The following RALGAPA2 variants were observed in gnomAD, a reference collection of about 807,000 sequenced individuals.
The protein encoded by RALGAPA2 is ral GTPase-activating protein subunit alpha-2.
RALGAPA2 carries 139 observed loss-of-function variants against 230.4 expected under a neutral mutation model. That is an observed-to-expected ratio of 0.60 (90% CI 0.53 to 0.69). The LOEUF (loss-of-function observed/expected upper bound fraction) is 0.69, where lower values mean the gene tolerates loss of function less well. Among genes scored for constraint, RALGAPA2 ranks in the 30% least tolerant of loss-of-function variants. The probability of loss-of-function intolerance (pLI) is 0.00; values close to 1 mark genes in which losing one functional copy is unlikely to be tolerated. For synonymous variants in RALGAPA2, 847 were observed against 837.8 expected (o/e 1.01, Z -0.19); for missense variants, 2,163 against 2,276.0 (o/e 0.95, Z 1.01).
intron 16 of RALGAPA2, among the ~76,000 whole-genome samples, chr20:20,596,832 G>A (rs1431223574): frequency 6.6e-6 from 1 of 152,170 alleles, no homozygotes; most frequent in Non-Finnish European, 1.5e-5. Flanking sequence ...TCTTTGTTTG[G>A]GAGCTGTCCT....
intron 36 of RALGAPA2, among the ~76,000 whole-genome samples, chr20:20,491,739 T>C (rs980757243): frequency 7.9e-5 from 12 of 152,102 alleles, no homozygotes; most frequent in African/African-American, 2.9e-4. Context: ...ATTTCTTTTC[T>C]GTGACCAAAG....
intron 1 of RALGAPA2, among the ~76,000 whole-genome samples, chr20:20,694,391 T>A (rs1183107936): frequency 2.6e-5 from 4 of 152,192 alleles, no homozygotes; most frequent in Admixed American, 2.6e-4. Flanking sequence ...ATTAACTCAG[T>A]AAAGACTGAA....
At chr20:20,483,507 A>C (rs1217148774) in intron 36 of RALGAPA2, among the ~76,000 whole-genome samples, 1 of 152,126 alleles carries the variant, frequency 6.6e-6, no homozygotes, top group Non-Finnish European at 1.5e-5. Context: ...CAGCTGCTCC[A>C]CAGGTAAAAT....
At chr20:20,515,826 G>C (rs1157842762) in intron 31 of RALGAPA2, among the ~76,000 whole-genome samples, 1 of 141,482 alleles carries the variant, frequency 7.1e-6, no homozygotes, top group Non-Finnish European at 1.5e-5. Flanking sequence ...AAACTCCTTT[G>C]ACCAGAACCA....
At position 20,512,799 on chromosome 20, in the gene RALGAPA2, G is replaced by A; in HGVS notation, c.4570C>T (p.Leu1524Phe). The A allele has an allele frequency of 6.2e-7, 1 of 1,613,876 alleles. No individual in the cohort carries two copies. The highest frequency in any genetic ancestry group is 1.1e-5 in the South Asian group (1 of 91,076). ...EEGDDVLDKLLENIGHTSPEC... is the reference protein window; with the variant it reads ...EEGDDVLDKLFENIGHTSPEC... ...GGACTTGTATGGCCAATGTTTTCAA[G>A]TAATTTGTCAAGAACATCATCCCCC... Residue 1524 changes from leucine to phenylalanine, a missense_variant, in exon 32 of 40, where the codon CTT becomes TTT. By Grantham distance (22) the Leu-to-Phe change is conservative (BLOSUM62 0). Coordinates refer to ENST00000202677, the MANE Select transcript of RALGAPA2 (RefSeq NM_020343.4).
intron 23 of RALGAPA2, among the ~76,000 whole-genome samples, chr20:20,565,420 A>G (rs2064383852): frequency 6.6e-6 from 1 of 152,188 alleles, no homozygotes; most frequent in East Asian, 1.9e-4. Context: ...GGTATGGCCA[A>G]TTTACAAGTA....
At chr20:20,494,766 G>T (rs771564230) in intron 36 of RALGAPA2, among the ~76,000 whole-genome samples, 19 of 152,174 alleles carry the variant, frequency 1.2e-4, no homozygotes, top group Non-Finnish European at 2.1e-4. Context: ...GTGATATGGG[G>T]TTCCTTCAAC....
intron 35 of RALGAPA2, among the ~76,000 whole-genome samples, chr20:20,496,627 T>C (rs2062213433): frequency 6.6e-6 from 1 of 152,232 alleles, no homozygotes. Flanking sequence ...TAGAGATGTG[T>C]CAAATTTAAC....
At chr20:20,423,665 A>G (rs2060323882) in intron 37 of RALGAPA2, among the ~76,000 whole-genome samples, 1 of 152,246 alleles carries the variant, frequency 6.6e-6, no homozygotes, top group Non-Finnish European at 1.5e-5. Context: ...CATTTTCACA[A>G]GATTTTATCT....
chr20:20,468,961 GTT>G (rs1491210500), intron 37 of RALGAPA2, among the ~76,000 whole-genome samples: 30 of 145,706 alleles, frequency 2.1e-4, no homozygotes, highest in East Asian at 1.4e-3. Flanking sequence ...GTGTGTGTGT[GTT>G]TGTGTGTGTG....
chr20:20,458,671 A>AATAT (rs570013461), intron 37 of RALGAPA2, among the ~76,000 whole-genome samples: 5 of 130,826 alleles, frequency 3.8e-5, no homozygotes, highest in African/African-American at 1.4e-4. Flanking sequence ...GCCCTCATTC[A>AATAT]ATATATATAT....
At chr20:20,605,444 A>T in intron 14 of RALGAPA2, 32 bp from the exon 15 acceptor site, 1 of 1,469,700 alleles carries the variant, frequency 6.8e-7, no homozygotes, top group Non-Finnish European at 9.5e-7. Flanking sequence ...GAGAATTCAC[A>T]CATCTTCATT....
At position 20,520,928 on chromosome 20, in the gene RALGAPA2, G is replaced by C; in HGVS notation, c.4073C>G (p.Thr1358Ser). 1 of 1,608,902 alleles carries C rather than the reference G, an allele frequency of 6.2e-7. No individual in the cohort carries two copies. Among genetic ancestry groups the C allele is most frequent in the Non-Finnish European group, 8.5e-7 (1 of 1,176,124 alleles). The change falls in exon 31 of 40, where the codon ACT becomes AGT. Residue 1358 changes from threonine to serine, a missense_variant. Transcript: ENST00000202677. ...HSSAELGNLL[T>S]VEEEKKRRSL... The stretch of plus-strand genomic sequence containing the variant: ...GAAAGAATACTCACCCTCTTCAACA[G>C]TCAGCAGGTTACCCAATTCTGCTGA...
chr20:20,662,329 T>G (rs2067809622), intron 3 of RALGAPA2, among the ~76,000 whole-genome samples: 1 of 152,144 alleles, frequency 6.6e-6, no homozygotes, highest in Non-Finnish European at 1.5e-5. Flanking sequence ...TCTCAATTAC[T>G]TGTGGATTTT....
In RALGAPA2 at chr20:20,601,860, A is replaced by C; in HGVS notation, c.2039-14T>G. 6.4e-7 allele frequency: 1 copy of C among 1,570,880 alleles called. No individual in the cohort carries two copies. The highest frequency in any genetic ancestry group is 1.4e-5 in the African/African-American group (1 of 73,020). ...CTAGAACACAGCCTGATAAAGGAAA[A>C]GAAAAATAATCTAAAGGCTGAATTC... is the stretch of plus-strand genomic sequence containing the variant. On this transcript the variant is annotated splice_polypyrimidine_tract_variant and intron_variant, in intron 15 of 39. Transcript: ENST00000202677.
At chr20:20,449,329 G>A (rs1437941922) in intron 37 of RALGAPA2, among the ~76,000 whole-genome samples, 1 of 152,216 alleles carries the variant, frequency 6.6e-6, no homozygotes. Flanking sequence ...GTTGAGGAAA[G>A]CTGTGTGAGT....
chr20:20,613,114 T>A (rs1289042232), intron 13 of RALGAPA2, among the ~76,000 whole-genome samples: 8 of 152,242 alleles, frequency 5.3e-5, no homozygotes. Context: ...TGAAAAACTA[T>A]GATTTGGAAA....
At chr20:20,505,631 T>C (rs2062510813) in intron 33 of RALGAPA2, 97 bp from the exon 34 acceptor site, 1 of 1,088,592 alleles carries the variant, frequency 9.2e-7, no homozygotes, top group African/African-American at 1.6e-5. Flanking sequence ...CCACTGAGCT[T>C]ACATTTACTG....
chr20:20,701,218 T>C (rs1169878661), intron 1 of RALGAPA2, among the ~76,000 whole-genome samples: 2 of 152,178 alleles, frequency 1.3e-5, no homozygotes, highest in Non-Finnish European at 2.9e-5. Flanking sequence ...ATGTGTAAAA[T>C]AGGGATAATG....
Sources: gnomAD v4.1 joint callset for allele counts (sites outside exome capture counted in the v4.1 genomes callset) on GRCh38, gnomAD v4.1.1 for gene constraint, MANE v1.5 for transcripts, NCBI Gene and HGNC (gene_info 2026-07-23, HGNC 2026-07-21) for gene names.